The following TP53BP2 variants were observed in gnomAD, a reference collection of about 807,000 sequenced individuals.
The protein encoded by TP53BP2 is tumor protein p53 binding protein 2, also known as apoptosis-stimulating of p53 protein 2.
In TP53BP2, 62 loss-of-function variants were observed where a neutral mutation model predicts 126.2. The observed-to-expected ratio is 0.49, with a 90% confidence interval of 0.40 to 0.61. The LOEUF (loss-of-function observed/expected upper bound fraction) is 0.61. Ranked by LOEUF, TP53BP2 falls within the 20% of genes least tolerant of loss-of-function variation. TP53BP2 has a pLI of 0.00. For missense variants in TP53BP2, 1,215 were observed against 1,402.8 expected (o/e 0.87, Z 2.14); for synonymous variants, 485 against 502.9 (o/e 0.96, Z 0.48).
At chr1:223,812,769 A>T (rs938935493) in intron 3 of TP53BP2, among the ~76,000 whole-genome samples, 2 of 152,152 alleles carry the variant, frequency 1.3e-5, no homozygotes, top group African/African-American at 2.4e-5. Flanking sequence ...CATGTTGGCC[A>T]GGATGGTCTG....
chr1:223,828,661 T>C (rs993861636), intron 1 of TP53BP2, among the ~76,000 whole-genome samples: 3 of 152,192 alleles, frequency 2.0e-5, no homozygotes, highest in African/African-American at 4.8e-5. Context: ...TCAAAAGGAA[T>C]GAGGTACTGA....
chr1:223,798,437 G>C lies in TP53BP2; in HGVS notation c.1726C>G (p.Pro576Ala). Residue 576 changes from proline to alanine, a missense_variant, in exon 12 of 18, where the codon CCA (proline) becomes GCA (alanine). Around this residue, in one of 4 missense-constraint regions of TP53BP2, gnomAD observed 814 missense variants for 853.0 expected, o/e 0.95. Transcript: ENST00000343537. ...PSVGQDQTLS[P>A]GSKQESPPAA... is the part of the protein sequence containing the mutation. Reference sequence around the variant, plus strand: ...GGTGGACTTTCTTGCTTAGAACCTGGAGAAAGGGTCTGGTCTTGGCCAACC... The same window carrying C: ...GGTGGACTTTCTTGCTTAGAACCTGCAGAAAGGGTCTGGTCTTGGCCAACC... 1 of 1,614,182 alleles carries C rather than the reference G, an allele frequency of 6.2e-7. No homozygotes were observed. The highest frequency in any genetic ancestry group is 8.5e-7 in the Non-Finnish European group (1 of 1,180,022).
intron 1 of TP53BP2, among the ~76,000 whole-genome samples, chr1:223,835,901 G>C (rs1017773248): frequency 1.3e-5 from 2 of 152,018 alleles, no homozygotes; most frequent in Admixed American, 6.6e-5. Context: ...AGCATTTGAA[G>C]TCCAGTGAGA....
chr1:223,788,915 T>C, intron 16 of TP53BP2, 93 bp downstream of exon 16: 1 of 1,396,720 alleles, frequency 7.2e-7, no homozygotes, highest in Non-Finnish European at 9.8e-7. Flanking sequence ...ACACAAGATT[T>C]TTTCCAAACA....
chr1:223,807,348 A>G (rs1662758862), intron 4 of TP53BP2, among the ~76,000 whole-genome samples: 1 of 152,202 alleles, frequency 6.6e-6, no homozygotes, highest in South Asian at 2.1e-4. Context: ...AATATCATTT[A>G]AAAATACTTT....
chr1:223,802,293 C>G lies in TP53BP2; in HGVS notation c.1048G>C (p.Val350Leu), dbSNP rs1186800201. 1.2e-6 allele frequency: 2 copies of G among 1,614,228 alleles called. No homozygotes were observed. The highest frequency in any genetic ancestry group is 1.7e-6 in the Non-Finnish European group (2 of 1,180,038). Residue 350 changes from valine to leucine, a missense_variant, in exon 9 of 18, where the codon GTG (valine) becomes CTG (leucine). This residue lies in a region of TP53BP2 where 814 missense variants were observed against 853.0 expected (regional missense o/e 0.95). Coordinates refer to ENST00000343537, the MANE Select transcript of TP53BP2 (RefSeq NM_001031685.3). ...PQQAASAPSRVAAVGPYIQSS... is the reference protein window; with the variant it reads ...PQQAASAPSRLAAVGPYIQSS... The stretch of plus-strand genomic sequence containing the variant: ...TGGATATAGGGACCTACTGCAGCCA[C>G]ACGGCTTGGGGCTGACGCGGCTTGC...
chr1:223,798,476 G>A lies in TP53BP2; in HGVS notation c.1687C>T (p.Pro563Ser), dbSNP rs1571847355. Residue 563 changes from proline to serine, a missense_variant, in exon 12 of 18, where the codon CCC becomes TCC. Around this residue, in one of 4 missense-constraint regions of TP53BP2, gnomAD observed 814 missense variants for 853.0 expected, o/e 0.95. Coordinates refer to ENST00000343537, the MANE Select transcript of TP53BP2 (RefSeq NM_001031685.3). ...AGQQPRVLLSPSIPSVGQDQT... is the reference protein window; with the variant it reads ...AGQQPRVLLSSSIPSVGQDQT... ...TCTTGGCCAACCGAAGGTATGCTGG[G>A]AGATAGCAGCACTCTCGGCTGCTGC... 1 of 1,614,162 alleles carries A rather than the reference G, an allele frequency of 6.2e-7. No individual in the cohort carries two copies. Among genetic ancestry groups the A allele is most frequent in the Non-Finnish European group, 8.5e-7 (1 of 1,180,026 alleles).
chr1:223,814,182 A>T, intron 3 of TP53BP2, 58 bp downstream of exon 3: 1 of 1,287,320 alleles, frequency 7.8e-7, no homozygotes, highest in Non-Finnish European at 1.1e-6. Flanking sequence ...GCCACCTACT[A>T]CTCCCAGCAC....
At chr1:223,782,539 G>A (rs530510533) in intron 17 of TP53BP2, among the ~76,000 whole-genome samples, 1 of 152,292 alleles carries the variant, frequency 6.6e-6, no homozygotes, top group South Asian at 2.1e-4. Context: ...CTGGAGTGCA[G>A]TGGCACGATC....
In TP53BP2 at chr1:223,803,418, C is replaced by G. The variant is rs536732293; in HGVS notation, c.684G>C (p.Gln228His). The stretch of plus-strand genomic sequence containing the variant: ...CCAGGACGAGCTCCCTCTGTTTTTG[C>G]TGGAACAAATTATTCATCTGTTCAA... ...EEIEQMNNLF[Q>H]QKQRELVLAV... Residue 228 changes from glutamine (Q) to histidine (H), a missense_variant, in exon 7 of 18, where the codon CAG becomes CAC. By Grantham distance (24) the Gln-to-His change is conservative. This residue lies in a region of TP53BP2 where 814 missense variants were observed against 853.0 expected (regional missense o/e 0.95). Coordinates refer to ENST00000343537, the MANE Select transcript of TP53BP2 (RefSeq NM_001031685.3). 2.5e-6 allele frequency: 4 copies of G among 1,613,410 alleles called. No individual in the cohort carries two copies. In the African/African-American group the frequency reaches 5.3e-5, roughly 22 times the overall value.
In TP53BP2 at chr1:223,827,168, G is replaced by A. The variant is rs113476269; in HGVS notation, c.28-5801C>T. On this transcript the variant is annotated intron_variant, in intron 1 of 17. Coordinates refer to ENST00000343537, the MANE Select transcript of TP53BP2 (RefSeq NM_001031685.3). The stretch of plus-strand genomic sequence containing the variant: ...AGAAAGCAAGAGATGAGCATGCAGA[G>A]GCATTTAAAGCCTAAGCCTGGATGA... Among the ~76,000 whole-genome samples the A allele has an allele frequency of 1.4e-3, 207 of 152,256 alleles. 1 individual carries two copies. The highest frequency in any genetic ancestry group is 4.7e-3 in the African/African-American group (195 of 41,534).
In TP53BP2 at chr1:223,780,589, G is replaced by A. The variant is rs1344331929; in HGVS notation, c.*264C>T. Reference sequence around the variant, plus strand: ...GATTCTTGTAGAAAACAGGATTGTCGCTGTATACTTATCTGAGTGCTACAC... The same window carrying A: ...GATTCTTGTAGAAAACAGGATTGTCACTGTATACTTATCTGAGTGCTACAC... On this transcript the variant is annotated 3_prime_UTR_variant, in exon 18 of 18. Transcript: ENST00000343537. 2.2e-5 allele frequency: 9 copies of A among 402,668 alleles called. No individual in the cohort carries two copies. Among genetic ancestry groups the A allele is most frequent in the African/African-American group, 8.2e-5 (4 of 48,740 alleles). The allele number at this position is 402,668 out of a possible 1,614,324, so 24.9% of individuals were successfully genotyped here. A position where few individuals can be genotyped will look rare whatever the true frequency, so the allele number is the denominator to read the frequency against.
intron 16 of TP53BP2, among the ~76,000 whole-genome samples, chr1:223,786,272 G>A (rs893082378): frequency 4.6e-5 from 7 of 152,014 alleles, no homozygotes; most frequent in South Asian, 2.1e-4. Context: ...TAAAAGCGGC[G>A]GTCACTACAG....
Position 223,802,361 on chromosome 1 carries a change from A to G in TP53BP2, c.997-17T>C. 4 of 1,602,912 alleles carry G rather than the reference A, an allele frequency of 2.5e-6. No homozygotes were observed. The highest frequency in any genetic ancestry group is 3.4e-6 in the Non-Finnish European group (4 of 1,173,452). On this transcript the variant is annotated splice_polypyrimidine_tract_variant and intron_variant, in intron 8 of 17. Coordinates refer to ENST00000343537, the MANE Select transcript of TP53BP2 (RefSeq NM_001031685.3). ...AGATGAAACCTTAGGAAAGAAGCACAGGTCCTTTAGTATTAAAAATCATCT... is the reference window on the plus strand; with the variant it reads ...AGATGAAACCTTAGGAAAGAAGCACGGGTCCTTTAGTATTAAAAATCATCT...
intron 1 of TP53BP2, among the ~76,000 whole-genome samples, 186 bp downstream of exon 1, chr1:223,845,468 G>A (rs1177238507): frequency 6.6e-6 from 1 of 152,196 alleles, no homozygotes; most frequent in East Asian, 1.9e-4. Context: ...ACGGCTGTGG[G>A]CGCAGAGCCC....
At chr1:223,816,775 T>C (rs1400156667) in intron 2 of TP53BP2, among the ~76,000 whole-genome samples, 2 of 151,980 alleles carry the variant, frequency 1.3e-5, no homozygotes, top group African/African-American at 4.8e-5. Context: ...TTTATGTTAA[T>C]GTGGTTCATG....
chr1:223,795,746 G>C, intron 13 of TP53BP2, 69 bp downstream of exon 13: 1 of 1,363,092 alleles, frequency 7.3e-7, no homozygotes. Context: ...GAAGATGAAT[G>C]TGACCACCAA....
At position 223,835,792 on chromosome 1, in the gene TP53BP2, A is replaced by G. The variant is rs1209519986; in HGVS notation, c.27+9862T>C. On this transcript the variant is annotated intron_variant, in intron 1 of 17. Transcript: ENST00000343537. ...ACACAAAGATGAAAAGGCATGCTCC[A>G]TGTCCTCACAGAGCTTATGGAACAA... Among the ~76,000 whole-genome samples the G allele has an allele frequency of 2.6e-5, 4 of 152,208 alleles. No individual in the cohort carries two copies. The South Asian group carries it at 8.3e-4, about 31-fold the overall frequency.
rs1270921710 is a variant in TP53BP2 at position 223,798,589 on chromosome 1, T to G, written c.1574A>C (p.Gln525Pro). Residue 525 changes from glutamine (Q) to proline (P), a missense_variant, in exon 12 of 18, where the codon CAG becomes CCG. This residue lies in a region of TP53BP2 where 814 missense variants were observed against 853.0 expected (regional missense o/e 0.95). Coordinates refer to ENST00000343537, the MANE Select transcript of TP53BP2 (RefSeq NM_001031685.3). Reference protein sequence around the residue: ...INLPYFGQTNQPPSDIKPDGS... With the variant: ...INLPYFGQTNPPPSDIKPDGS... The stretch of plus-strand genomic sequence containing the variant: ...GTCTGGCTTAATGTCTGAAGGTGGC[T>G]GATTAGTTTGTCCAAAATAAGGCAA... 7.4e-6 allele frequency: 12 copies of G among 1,614,094 alleles called. No homozygotes were observed. The highest frequency in any genetic ancestry group is 3.3e-4 in the Middle Eastern group (2 of 6,084).
Sources: gnomAD v4.1 joint callset for allele counts (sites outside exome capture counted in the v4.1 genomes callset) on GRCh38, gnomAD v4.1.1 for gene constraint, gnomAD v4.1.1 regional missense constraint, MANE v1.5 for transcripts, NCBI Gene and HGNC (gene_info 2026-07-23, HGNC 2026-07-21) for gene names.